The following MARCHF1 variants were observed in gnomAD, a reference collection of about 807,000 sequenced individuals.
MARCHF1 encodes the protein membrane associated ring-CH-type finger 1.
A neutral mutation model predicts 54.2 loss-of-function variants in MARCHF1; 40 were observed. That is an observed-to-expected ratio of 0.74 (90% CI 0.57 to 0.96). The LOEUF (loss-of-function observed/expected upper bound fraction) is 0.96. Among genes scored for constraint, MARCHF1 ranks in the 40% least tolerant of loss-of-function variants. The pLI, the probability that MARCHF1 is intolerant of heterozygous loss-of-function variation, is 0.00. For synonymous variants in MARCHF1, 236 were observed against 236.3 expected (o/e 1.00, Z 0.01); for missense variants, 586 against 656.5 (o/e 0.89, Z 1.17).
intron 1 of MARCHF1, among the ~76,000 whole-genome samples, chr4:164,346,590 CTGTATGTA>C (rs1182576618): frequency 2.2e-4 from 12 of 53,674 alleles, no homozygotes; most frequent in East Asian, 5.8e-4. Context: ...GTCCTCAAAC[CTGTATGTA>C]TGTATGTATA....
At chr4:163,958,244 AGTGTGTGTGTGT>A (rs58660279) in intron 3 of MARCHF1, among the ~76,000 whole-genome samples, 1 of 148,432 alleles carries the variant, frequency 6.7e-6, no homozygotes, top group Non-Finnish European at 1.5e-5. Context: ...CAATCAAGTG[AGTGTGTGTGTGT>A]GTGTGTGTGT....
intron 4 of MARCHF1, among the ~76,000 whole-genome samples, chr4:163,734,871 C>T (rs988734722): frequency 2.0e-5 from 3 of 152,126 alleles, no homozygotes; most frequent in African/African-American, 7.2e-5. Flanking sequence ...AAAAATAAAA[C>T]AAATCACTCT....
chr4:163,804,980 G>A (rs1248956315), intron 4 of MARCHF1, among the ~76,000 whole-genome samples: 2 of 152,092 alleles, frequency 1.3e-5, no homozygotes, highest in African/African-American at 4.8e-5. Flanking sequence ...GTACTCCTAA[G>A]ATGCTCTTAA....
rs1745204625 is a variant in MARCHF1, at chr4:163,714,624, T to C, written c.112-13761A>G. Among the ~76,000 whole-genome samples the C allele has an allele frequency of 3.3e-5, 5 of 152,242 alleles. No individual in the cohort carries two copies. The South Asian group carries it at 1.0e-3, about 32-fold the overall frequency. ...AGAGACATATTAGCATAGTCATTCT[T>C]GAGAATAGTAGGTGGGAAGTATACG... On this transcript the variant is annotated intron_variant, in intron 4 of 9. Coordinates refer to ENST00000514618, the MANE Select transcript of MARCHF1 (RefSeq NM_001394959.1).
intron 2 of MARCHF1, among the ~76,000 whole-genome samples, chr4:164,023,345 A>G (rs1753704483): frequency 6.6e-6 from 1 of 152,220 alleles, no homozygotes; most frequent in South Asian, 2.1e-4. Flanking sequence ...CCTGCACACT[A>G]CAGAGCACTG....
intron 4 of MARCHF1, among the ~76,000 whole-genome samples, chr4:163,770,324 C>T (rs1747118083): frequency 6.6e-6 from 1 of 152,000 alleles, no homozygotes; most frequent in Admixed American, 6.6e-5. Flanking sequence ...CTAAACTTGT[C>T]TTTAAATGGT....
At chr4:164,253,493 AAAAT>A (rs1733182640) in intron 1 of MARCHF1, among the ~76,000 whole-genome samples, 1 of 152,208 alleles carries the variant, frequency 6.6e-6, no homozygotes, top group South Asian at 2.1e-4. Context: ...AGTCAGAACT[AAAAT>A]AACAGACAGT....
intron 5 of MARCHF1, among the ~76,000 whole-genome samples, chr4:163,639,476 A>T (rs1478339495): frequency 1.3e-5 from 2 of 152,202 alleles, no homozygotes. Context: ...GGAGTTTCCA[A>T]CACATGTTCT....
chr4:164,261,833 CT>C (rs763796013), intron 1 of MARCHF1, among the ~76,000 whole-genome samples: 6 of 152,142 alleles, frequency 3.9e-5, no homozygotes, highest in Non-Finnish European at 8.8e-5. Flanking sequence ...TGACTACTCC[CT>C]TCCATAAGAA....
chr4:163,591,703 C>A lies in MARCHF1; in HGVS notation c.1011-5774G>T, dbSNP rs62334077. ...AAGCCAGCTTAGTCAGATCATATGG[C>A]AATTCTCAGAAGTTGTTACCAATGA... On this transcript the variant is annotated intron_variant, in intron 7 of 9. Coordinates refer to ENST00000514618, the MANE Select transcript of MARCHF1 (RefSeq NM_001394959.1). 5.8e-3 allele frequency among the ~76,000 whole-genome samples: 880 copies of A among 152,206 alleles called. 3 individuals carry two copies. Among genetic ancestry groups the A allele is most frequent in the South Asian group, 0.036 (173 of 4,826 alleles).
At chr4:164,314,479 T>C (rs1186656975) in intron 1 of MARCHF1, among the ~76,000 whole-genome samples, 1 of 152,210 alleles carries the variant, frequency 6.6e-6, no homozygotes, top group Non-Finnish European at 1.5e-5. Context: ...TAATTCCTCC[T>C]GTTACACTTA....
intron 1 of MARCHF1, among the ~76,000 whole-genome samples, chr4:164,268,750 T>C (rs370436301): frequency 3.3e-5 from 5 of 152,300 alleles, no homozygotes; most frequent in East Asian, 1.9e-4. Context: ...TCCAGAAAGA[T>C]ATAAAAAAAG....
At chr4:163,637,811 C>G (rs1326661021) in intron 5 of MARCHF1, among the ~76,000 whole-genome samples, 3 of 152,008 alleles carry the variant, frequency 2.0e-5, no homozygotes, top group Non-Finnish European at 4.4e-5. Flanking sequence ...TATTGCAGTA[C>G]TATTCACAAT....
chr4:164,035,022 C>G (rs1270256380), intron 2 of MARCHF1, among the ~76,000 whole-genome samples: 1 of 152,028 alleles, frequency 6.6e-6, no homozygotes, highest in African/African-American at 2.4e-5. Flanking sequence ...TGTAATGTAT[C>G]ACATTATAAA....
At chr4:163,597,149 G>A (rs1311613838) in intron 7 of MARCHF1, among the ~76,000 whole-genome samples, 1 of 151,950 alleles carries the variant, frequency 6.6e-6, no homozygotes, top group Non-Finnish European at 1.5e-5. Context: ...GGAGAGACGC[G>A]GTTTCGCCAT....
At chr4:163,848,691 G>C (rs577571450) in intron 4 of MARCHF1, among the ~76,000 whole-genome samples, 68 of 152,246 alleles carry the variant, frequency 4.5e-4, no homozygotes, top group Admixed American at 7.2e-4. Context: ...TCCCCTGGCT[G>C]TCATACAAGA....
chr4:164,097,390 C>T (rs975948262), intron 2 of MARCHF1, among the ~76,000 whole-genome samples: 4 of 151,960 alleles, frequency 2.6e-5, no homozygotes, highest in East Asian at 1.9e-4. Context: ...ATAGCATTAG[C>T]GATATCTTTG....
intron 8 of MARCHF1, among the ~76,000 whole-genome samples, chr4:163,572,635 G>A (rs1739879525): frequency 1.3e-5 from 2 of 151,972 alleles, no homozygotes; most frequent in South Asian, 4.2e-4. Context: ...TGTGCCACGG[G>A]AAGGGAGTAC....
At chr4:164,276,947 T>TATATAG (rs1392528920) in intron 1 of MARCHF1, among the ~76,000 whole-genome samples, 57 of 118,794 alleles carry the variant, frequency 4.8e-4, no homozygotes, top group East Asian at 1.5e-3. Context: ...TATATATATA[T>TATATAG]AGAGAGAGAG....
Sources: gnomAD v4.1 joint callset for allele counts (sites outside exome capture counted in the v4.1 genomes callset) on GRCh38, gnomAD v4.1.1 for gene constraint, MANE v1.5 for transcripts, NCBI Gene and HGNC (gene_info 2026-07-23, HGNC 2026-07-21) for gene names.